Variants in TPR observed in about 807,000 individuals in gnomAD.
The protein encoded by TPR is nucleoprotein TPR.
TPR carries 51 observed loss-of-function variants against 316.1 expected under a neutral mutation model. The observed-to-expected ratio is 0.16, with a 90% CI of 0.13 to 0.20. The LOEUF (loss-of-function observed/expected upper bound fraction) is 0.20, where lower values mean the gene tolerates loss of function less well. TPR is among the 10% of genes least tolerant of loss of function. The pLI, the probability that TPR is intolerant of heterozygous loss-of-function variation, is 1.00. For missense variants in TPR, 2,272 were observed against 2,754.8 expected (o/e 0.82, Z 3.92); for synonymous variants, 981 against 914.7 (o/e 1.07, Z -1.31).
chr1:186,345,029 C>T (rs1474036294), intron 24 of TPR, among the ~76,000 whole-genome samples: 2 of 152,068 alleles, frequency 1.3e-5, no homozygotes, highest in African/African-American at 4.8e-5. Context: ...TACTGCTATC[C>T]CATCCTACCA....
At chr1:186,324,383 T>TA (rs1657856746) in intron 42 of TPR, among the ~76,000 whole-genome samples, 1 of 152,170 alleles carries the variant, frequency 6.6e-6, no homozygotes, top group Non-Finnish European at 1.5e-5. Flanking sequence ...GGAGAAGCCT[T>TA]ACAACTACAT....
chr1:186,329,966 C>T (rs1658111077), intron 39 of TPR, among the ~76,000 whole-genome samples: 1 of 152,068 alleles, frequency 6.6e-6, no homozygotes, highest in African/African-American at 2.4e-5. Flanking sequence ...AACTTCGGTA[C>T]ACTACTTTAT....
rs1658497340 is a variant in TPR, at chr1:186,341,173, C to T, written c.3889-14G>A. ...CAGTTTCCTCACCTGAAAATCATGC[C>T]AATATTTAACAACAAATGTAAAAAT... On this transcript the variant is annotated splice_polypyrimidine_tract_variant and intron_variant, in intron 28 of 50. Transcript: ENST00000367478. 4 of 1,612,696 alleles carry T rather than the reference C, an allele frequency of 2.5e-6. No homozygotes were observed. Among genetic ancestry groups the T allele is most frequent in the African/African-American group, 1.3e-5 (1 of 74,772 alleles).
rs1165456435 is a variant in TPR, at chr1:186,360,375, A to G, written c.1100-11T>C. ...CAGACAATATGGCTCCTGTGCCAAC[A>G]AATACACATCTAGTATAATTTGTAA... On this transcript the variant is annotated splice_polypyrimidine_tract_variant and intron_variant, in intron 10 of 50. Transcript: ENST00000367478. The G allele has an allele frequency of 6.8e-6, 11 of 1,611,686 alleles. No homozygotes were observed. The highest frequency in any genetic ancestry group is 1.3e-5 in the African/African-American group (1 of 74,778).
Position 186,335,118 on chromosome 1 carries a change from C to T in TPR, c.4923G>A (p.Gln1641=), listed in dbSNP as rs1209344231. The change falls in exon 35 of 51, where the codon CAG becomes CAA. Residue 1641 remains glutamine (Q), a synonymous_variant. Transcript: ENST00000367478. ...PQEPSNKVPE[Q]QRQITLKTTP... The stretch of plus-strand genomic sequence containing the variant: ...TTGTTTTCAATGTGATCTGTCTCTG[C>T]TGTTCAGGGACCTATAAAGAGAAAG... 1.2e-6 allele frequency: 2 copies of T among 1,612,570 alleles called. No homozygotes were observed. The highest frequency in any genetic ancestry group is 1.7e-6 in the Non-Finnish European group (2 of 1,179,382).
intron 3 of TPR, among the ~76,000 whole-genome samples, chr1:186,369,840 T>C (rs1173145447): frequency 6.6e-6 from 1 of 152,130 alleles, no homozygotes; most frequent in Non-Finnish European, 1.5e-5. Context: ...AAGCTTTCAG[T>C]TTCTTTCTTT....
chr1:186,369,705 T>C (rs1358749291), intron 3 of TPR, among the ~76,000 whole-genome samples: 1 of 152,162 alleles, frequency 6.6e-6, no homozygotes, highest in Non-Finnish European at 1.5e-5. Context: ...TTTTATTTCT[T>C]CCTTTCCAAT....
chr1:186,323,281 A>C (rs955353553), intron 43 of TPR, among the ~76,000 whole-genome samples: 2 of 152,190 alleles, frequency 1.3e-5, no homozygotes, highest in African/African-American at 4.8e-5. Flanking sequence ...ATGAGAAAAA[A>C]TATTCTTCTG....
In TPR at chr1:186,313,654, T is replaced by A; in HGVS notation, c.*317A>T. The stretch of plus-strand genomic sequence containing the variant: ...GTTTGGGCATTGTTTTCTTTTTAAC[T>A]AAAAAAATGTTTTCTCTTCCATTTA... On this transcript the variant is annotated 3_prime_UTR_variant, in exon 51 of 51. Transcript: ENST00000367478. 7.1e-7 allele frequency: 1 copy of A among 1,412,822 alleles called. No individual in the cohort carries two copies. Among genetic ancestry groups the A allele is most frequent in the South Asian group, 1.2e-5 (1 of 86,544 alleles). 87.5% of individuals were successfully genotyped at this position (1,412,822 alleles called of 1,614,324 possible). A position where few individuals can be genotyped will look rare whatever the true frequency, so the allele number is the denominator to read the frequency against.
chr1:186,327,573 C>A lies in TPR; in HGVS notation c.5776G>T (p.Asp1926Tyr). 3 of 1,612,726 alleles carry A rather than the reference C, an allele frequency of 1.9e-6. No individual in the cohort carries two copies. Among genetic ancestry groups the A allele is most frequent in the Non-Finnish European group, 2.5e-6 (3 of 1,179,752 alleles). ...LQIDLGPLQSDQQTTTSSQDG... is the reference protein window; with the variant it reads ...LQIDLGPLQSYQQTTTSSQDG... ...TGGGATGAAGTTGTCGTCTGCTGAT[C>A]TGATTGAAGTGGCCCAAGATCTATT... The change falls in exon 40 of 51, where the codon GAT (aspartate) becomes TAT (tyrosine). Residue 1926 changes from aspartate (D) to tyrosine (Y), a missense_variant. Physicochemically the swap from Asp to Tyr is radical, Grantham distance 160. This residue lies in a region of TPR where 435 missense variants were observed against 461.1 expected (regional missense o/e 0.94). Transcript: ENST00000367478.
rs756335638 is a variant in TPR, at chr1:186,362,893, C to T, written c.640G>A (p.Glu214Lys). 6.2e-7 allele frequency: 1 copy of T among 1,609,620 alleles called. No homozygotes were observed. Among genetic ancestry groups the T allele is most frequent in the East Asian group, 2.2e-5 (1 of 44,706 alleles). Reference sequence around the variant, plus strand: ...AGCTCTAGAATCTCATTCCCTTTTTCTCTTCCAAGAGCCAGAAGTTCATCA... The same window carrying T: ...AGCTCTAGAATCTCATTCCCTTTTTTTCTTCCAAGAGCCAGAAGTTCATCA... The part of the protein sequence containing the change: ...KTDELLALGR[E>K]KGNEILELKC... The change falls in exon 6 of 51, where the codon GAA (glutamate) becomes AAA (lysine). Residue 214 changes from glutamate (E) to lysine (K), a missense_variant. Physicochemically the swap from Glu to Lys is moderately conservative, Grantham distance 56. Coordinates refer to ENST00000367478, the MANE Select transcript of TPR (RefSeq NM_003292.3).
In TPR at chr1:186,353,673, G is replaced by A. The variant is rs1406442945; in HGVS notation, c.2334+15C>T. 1 of 1,608,138 alleles carries A rather than the reference G, an allele frequency of 6.2e-7. No homozygotes were observed. Among genetic ancestry groups the A allele is most frequent in the South Asian group, 1.1e-5 (1 of 89,676 alleles). On this transcript the variant is annotated intron_variant, in intron 18 of 50. Transcript: ENST00000367478. ...CAACTTATAATGCAAGTTGGACAAG[G>A]GATATTGGACTCACTTCTGCGACAG... is the stretch of plus-strand genomic sequence containing the variant.
intron 46 of TPR, among the ~76,000 whole-genome samples, chr1:186,319,369 C>T (rs1274646611): frequency 2.6e-5 from 4 of 152,134 alleles, no homozygotes; most frequent in African/African-American, 9.7e-5. Context: ...CTAAAATGCT[C>T]TTAAGAGTTT....
At chr1:186,319,044 G>A (rs1313472713) in intron 46 of TPR, among the ~76,000 whole-genome samples, 1 of 152,230 alleles carries the variant, frequency 6.6e-6, no homozygotes, top group South Asian at 2.1e-4. Context: ...AGTTAAGAGT[G>A]CAGTGACACC....
chr1:186,358,603 T>A lies in TPR; in HGVS notation c.1437A>T (p.Ser479=). 1 of 1,612,766 alleles carries A rather than the reference T, an allele frequency of 6.2e-7. No individual in the cohort carries two copies. Among genetic ancestry groups the A allele is most frequent in the South Asian group, 1.1e-5 (1 of 90,798 alleles). Reference sequence around the variant, plus strand: ...TTCGATTATCTCTCTCAAGTACAGATGATTGCTTGTTGGCTTTATCAGTGT... The same window carrying A: ...TTCGATTATCTCTCTCAAGTACAGAAGATTGCTTGTTGGCTTTATCAGTGT... ...QEDTDKANKQ[S]SVLERDNRRM... Residue 479 remains serine (S), a synonymous_variant, in exon 13 of 51, where the codon TCA becomes TCT. Transcript: ENST00000367478.
Position 186,334,550 on chromosome 1 carries a change from T to A in TPR, c.4974-17A>T, listed in dbSNP as rs2102066817. On this transcript the variant is annotated splice_polypyrimidine_tract_variant and intron_variant, in intron 35 of 50. Transcript: ENST00000367478. ...GTGCTGGCACTTATAGAGGAGAAAA[T>A]GGAAGAATAATTAATAACAAATTAT... The A allele has an allele frequency of 1.9e-6, 3 of 1,601,808 alleles. No individual in the cohort carries two copies. The highest frequency in any genetic ancestry group is 2.6e-6 in the Non-Finnish European group (3 of 1,171,372).
At position 186,361,879 on chromosome 1, in the gene TPR, A is replaced by G; in HGVS notation, c.790-10T>C. The G allele has an allele frequency of 6.2e-7, 1 of 1,611,948 alleles. No homozygotes were observed. The highest frequency in any genetic ancestry group is 1.1e-5 in the South Asian group (1 of 90,942). On this transcript the variant is annotated splice_polypyrimidine_tract_variant and intron_variant, in intron 7 of 50. Coordinates refer to ENST00000367478, the MANE Select transcript of TPR (RefSeq NM_003292.3). ...CCTGTTGTTCCTTGGCCTGAAAAAAATAGCCCAATTATAGCAGTCTACTTT... is the reference window on the plus strand; with the variant it reads ...CCTGTTGTTCCTTGGCCTGAAAAAAGTAGCCCAATTATAGCAGTCTACTTT...
At position 186,333,052 on chromosome 1, in the gene TPR, T is replaced by C. The variant is rs566253535; in HGVS notation, c.5455+70A>G. ...GTACAAAGAATACTCAAGATATATA[T>C]ACTCAAGATACACTCAAGATCTTAT... is the stretch of plus-strand genomic sequence containing the variant. On this transcript the variant is annotated intron_variant, in intron 37 of 50. Transcript: ENST00000367478. The C allele has an allele frequency of 4.3e-5, 66 of 1,523,180 alleles. No individual in the cohort carries two copies. The African/African-American group carries it at 8.1e-4, about 19-fold the overall frequency. The allele number at this position is 1,523,180 out of a possible 1,614,324, so 94.4% of individuals were successfully genotyped here.
chr1:186,323,695 T>C lies in TPR; in HGVS notation c.6288A>G (p.Pro2096=). The C allele has an allele frequency of 6.7e-7, 1 of 1,494,674 alleles. No individual in the cohort carries two copies. The highest frequency in any genetic ancestry group is 8.8e-7 in the Non-Finnish European group (1 of 1,132,652). 92.6% of individuals were successfully genotyped at this position (1,494,674 alleles called of 1,614,324 possible). The change falls in exon 43 of 51, where the codon CCA becomes CCG. Residue 2096 remains proline, a synonymous_variant. Coordinates refer to ENST00000367478, the MANE Select transcript of TPR (RefSeq NM_003292.3). ...CCAGTACTTTTAATACCTGAACTGG[T>C]GGTCCCAACTCCTGAGGTGGGGCAT... The part of the protein sequence containing the change: ...TIHAPPQELG[P]PVQRIQMTRR...
Sources: allele counts gnomAD v4.1 joint callset (sites outside exome capture counted in the v4.1 genomes callset), GRCh38; gene constraint gnomAD v4.1.1; regional missense constraint gnomAD v4.1.1; transcripts MANE v1.5; gene names NCBI Gene and HGNC (gene_info 2026-07-23, HGNC 2026-07-21).